The following GFPT1 variants were observed in gnomAD, a reference collection of about 807,000 sequenced individuals.
The protein encoded by GFPT1 is glutamine--fructose-6-phosphate transaminase 1.
GFPT1 carries 40 observed loss-of-function variants against 92.0 expected under a neutral mutation model. The ratio of observed to expected loss-of-function variants is 0.43; its 90% CI spans 0.34 to 0.57. The LOEUF is 0.57. GFPT1 is among the 20% of genes least tolerant of loss of function. The pLI is 0.02. For missense variants in GFPT1, 448 were observed against 869.1 expected, an observed-to-expected ratio of 0.52 and a Z score of 6.09; for synonymous variants, 269 against 280.6, an observed-to-expected ratio of 0.96 and a Z score of 0.41.
At chr2:69,326,290 G>C (rs1195114159) in intron 19 of GFPT1, 57 bp from the exon 20 acceptor site, 3 of 1,151,898 alleles carry the variant, frequency 2.6e-6, no homozygotes, top group East Asian at 4.7e-5. Flanking sequence ...ACTGGGGAAG[G>C]GGGTGGTTAC....
chr2:69,327,707 A>G (rs1327298287), intron 18 of GFPT1, among the ~76,000 whole-genome samples: 1 of 152,166 alleles, frequency 6.6e-6, no homozygotes, highest in East Asian at 1.9e-4. Flanking sequence ...AAAAAGGAAC[A>G]GCATATGTTA....
At chr2:69,379,433 C>A (rs1671954571) in intron 1 of GFPT1, among the ~76,000 whole-genome samples, 2 of 152,186 alleles carry the variant, frequency 1.3e-5, no homozygotes, top group Admixed American at 1.3e-4. Context: ...GTGAGAGAAT[C>A]ACTTGAGCCC....
At chr2:69,381,396 C>T (rs1672005354) in intron 1 of GFPT1, among the ~76,000 whole-genome samples, 1 of 152,132 alleles carries the variant, frequency 6.6e-6, no homozygotes, top group African/African-American at 2.4e-5. Flanking sequence ...CCACCTCAGC[C>T]TCCCAAAATG....
At chr2:69,327,632 C>G (rs1670562427) in intron 18 of GFPT1, among the ~76,000 whole-genome samples, 2 of 152,106 alleles carry the variant, frequency 1.3e-5, no homozygotes, top group Middle Eastern at 3.4e-3. Flanking sequence ...CCACTGCAAC[C>G]AGCTGAAATA....
At chr2:69,349,631 C>T (rs1028381290) in intron 10 of GFPT1, among the ~76,000 whole-genome samples, 3 of 152,108 alleles carry the variant, frequency 2.0e-5, no homozygotes, top group African/African-American at 4.8e-5. Context: ...TACTACTATC[C>T]CTTTATAAAA....
At chr2:69,367,652 C>G (rs1017585139) in intron 3 of GFPT1, among the ~76,000 whole-genome samples, 1 of 152,170 alleles carries the variant, frequency 6.6e-6, no homozygotes, top group South Asian at 2.1e-4. Context: ...TGAGCCACCA[C>G]GCCCGGCACA....
rs375872036 is a variant in GFPT1 at position 69,328,264 on chromosome 2, G to A, written c.1893+7C>T. 68 of 1,611,206 alleles carry A rather than the reference G, an allele frequency of 4.2e-5. No individual in the cohort carries two copies. The highest frequency in any genetic ancestry group is 1.3e-4 in the Admixed American group (8 of 59,984). Reference sequence around the variant, plus strand: ...CCCCAAGGTGTTCTCACAGTCCCCCGACTTACCTGCCGAGCAACCACTTGC... The same window carrying A: ...CCCCAAGGTGTTCTCACAGTCCCCCAACTTACCTGCCGAGCAACCACTTGC... On this transcript the variant is annotated splice_region_variant and intron_variant, in intron 18 of 19. Coordinates refer to ENST00000357308, the MANE Select transcript of GFPT1 (RefSeq NM_001244710.2).
chr2:69,329,148 C>A, intron 17 of GFPT1, 149 bp downstream of exon 17: 1 of 760,982 alleles, frequency 1.3e-6, no homozygotes. Flanking sequence ...TTCTCTGTTG[C>A]ACTTTCTCAA....
At chr2:69,347,716 T>C (rs986712386) in intron 11 of GFPT1, among the ~76,000 whole-genome samples, 1 of 151,532 alleles carries the variant, frequency 6.6e-6, no homozygotes, top group Admixed American at 6.6e-5. Flanking sequence ...CTCCCCACCT[T>C]AGGTGATCTG....
Position 69,374,223 on chromosome 2 carries a change from T to C in GFPT1, c.8-110A>G, listed in dbSNP as rs555396475. The stretch of plus-strand genomic sequence containing the variant: ...GAAGTTAGATTCTGTCTTTCAAACA[T>C]TTCAAACCGTTTAAAGGCAATGGAA... On this transcript the variant is annotated intron_variant, in intron 1 of 19. Coordinates refer to ENST00000357308, the MANE Select transcript of GFPT1 (RefSeq NM_001244710.2). 685 of 620,966 alleles carry C rather than the reference T, an allele frequency of 1.1e-3. 1 individual carries two copies. The highest frequency in any genetic ancestry group is 1.8e-3 in the Non-Finnish European group (625 of 341,818). 38.5% of individuals were successfully genotyped at this position (620,966 alleles called of 1,614,324 possible).
At chr2:69,349,012 CCTG>C (rs1671148931) in intron 10 of GFPT1, among the ~76,000 whole-genome samples, 1 of 152,080 alleles carries the variant, frequency 6.6e-6, no homozygotes, top group African/African-American at 2.4e-5. Flanking sequence ...CCTCCCTCTA[CCTG>C]TTAACCTAAT....
chr2:69,368,340 T>C (rs1025108715), intron 3 of GFPT1, among the ~76,000 whole-genome samples: 4 of 151,884 alleles, frequency 2.6e-5, no homozygotes, highest in Admixed American at 1.3e-4. Flanking sequence ...CGAGATTGTG[T>C]CACTACACTC....
At chr2:69,340,953 G>A (rs1201644892) in intron 13 of GFPT1, among the ~76,000 whole-genome samples, 1 of 151,592 alleles carries the variant, frequency 6.6e-6, no homozygotes, top group Non-Finnish European at 1.5e-5. Flanking sequence ...TCTTCTTCCC[G>A]TGTTCAAAAT....
At position 69,358,419 on chromosome 2, in the gene GFPT1, T is replaced by C; in HGVS notation, c.453A>G (p.Thr151=). 1 of 1,609,918 alleles carries C rather than the reference T, an allele frequency of 6.2e-7. No homozygotes were observed. Among genetic ancestry groups the C allele is most frequent in the Non-Finnish European group, 8.5e-7 (1 of 1,176,312 alleles). The change falls in exon 6 of 20, where the codon ACA becomes ACG. Residue 151 remains threonine (T), a synonymous_variant. Transcript: ENST00000357308. Reference sequence around the variant, plus strand: ...ACATATACTTAACGAGCTTGGCAATTGTCTCTGTGTCTGTTTCAGATTCGA... The same window carrying C: ...ACATATACTTAACGAGCTTGGCAATCGTCTCTGTGTCTGTTTCAGATTCGA... ...YDFESETDTE[T]IAKLVKYMYD... is the part of the protein sequence containing the mutation.
intron 4 of GFPT1, among the ~76,000 whole-genome samples, chr2:69,359,908 A>C (rs1419906093): frequency 1.1e-4 from 16 of 152,242 alleles, no homozygotes; most frequent in Admixed American, 9.8e-4. Context: ...TTAAAATATC[A>C]TTCCAAGAGA....
intron 6 of GFPT1, 150 bp from the exon 7 acceptor site, chr2:69,356,707 CT>C: frequency 1.5e-6 from 1 of 683,920 alleles, no homozygotes; most frequent in Non-Finnish European, 2.7e-6. Context: ...TAAGTAAACA[CT>C]TACTCCTAAG....
At chr2:69,332,989 A>G (rs752782193) in intron 15 of GFPT1, among the ~76,000 whole-genome samples, 8 of 152,088 alleles carry the variant, frequency 5.3e-5, no homozygotes, top group Non-Finnish European at 1.0e-4. Context: ...AGCTGCTCAC[A>G]TGGTCCTCCA....
At chr2:69,333,326 G>C (rs1023646852) in intron 15 of GFPT1, among the ~76,000 whole-genome samples, 3 of 152,138 alleles carry the variant, frequency 2.0e-5, no homozygotes, top group African/African-American at 7.2e-5. Context: ...TTATTTGTTT[G>C]AACTGAAACC....
chr2:69,367,657 G>A lies in GFPT1; in HGVS notation c.223+2344C>T, dbSNP rs535825676. On this transcript the variant is annotated intron_variant, in intron 3 of 19. Coordinates refer to ENST00000357308, the MANE Select transcript of GFPT1 (RefSeq NM_001244710.2). ...ATTACAAGCGTGAGCCACCACGCCC[G>A]GCACACACAACTTATTATATCATCC... is the stretch of plus-strand genomic sequence containing the variant. 2.1e-4 allele frequency among the ~76,000 whole-genome samples: 32 copies of A among 152,106 alleles called. No individual in the cohort carries two copies. The East Asian group carries it at 4.8e-3, about 23-fold the overall frequency.
Sources: allele counts gnomAD v4.1 joint callset (sites outside exome capture counted in the v4.1 genomes callset), GRCh38; gene constraint gnomAD v4.1.1; transcripts MANE v1.5; gene names NCBI Gene and HGNC (gene_info 2026-07-23, HGNC 2026-07-21).